Variants in PRKG1 observed in about 807,000 individuals in gnomAD.
PRKG1 encodes cGMP-dependent protein kinase 1.
A neutral mutation model predicts 88.1 loss-of-function variants in PRKG1; 35 were observed. The observed-to-expected ratio is 0.40, with a 90% CI of 0.30 to 0.53. The LOEUF (loss-of-function observed/expected upper bound fraction) is 0.53, where lower values mean the gene tolerates loss of function less well. Ranked by LOEUF, PRKG1 falls within the 20% of genes least tolerant of loss-of-function variation. The pLI is 0.59. For missense variants in PRKG1, 540 were observed against 839.8 expected (o/e 0.64, Z 4.41); for synonymous variants, 303 against 292.5 (o/e 1.04, Z -0.37).
chr10:51,297,292 C>G (rs1840745914), intron 2 of PRKG1, among the ~76,000 whole-genome samples: 1 of 151,982 alleles, frequency 6.6e-6, no homozygotes. Context: ...GGGGACATAC[C>G]ACTTCTAGAT....
chr10:51,250,057 T>C (rs1054263337), intron 2 of PRKG1, among the ~76,000 whole-genome samples: 9 of 151,830 alleles, frequency 5.9e-5, no homozygotes, highest in African/African-American at 2.2e-4. Context: ...ACTGACATCA[T>C]GAGCCTACAG....
rs369314154 is a variant in PRKG1 at position 52,268,466 on chromosome 10, A to G, written c.1174-2884A>G. Among the ~76,000 whole-genome samples, 4 of 151,942 alleles carry G rather than the reference A, an allele frequency of 2.6e-5. No homozygotes were observed. In the East Asian group the frequency reaches 5.8e-4, roughly 22 times the overall value. On this transcript the variant is annotated intron_variant, in intron 10 of 17. Coordinates refer to ENST00000373980, the MANE Select transcript of PRKG1 (RefSeq NM_006258.4). ...CCCCTAACACATGGAGGTCCCTGGG[A>G]AGTGCCTAGGAAAATGTCAGTGAGG...
At chr10:51,123,357 A>C (rs1412429010) in intron 1 of PRKG1, among the ~76,000 whole-genome samples, 1 of 152,164 alleles carries the variant, frequency 6.6e-6, no homozygotes. Flanking sequence ...AACTTCTTGC[A>C]TGCTCCGTAT....
In PRKG1 at chr10:51,556,685, A is replaced by G. The variant is rs180751678; in HGVS notation, c.592+88849A>G. Among the ~76,000 whole-genome samples, 256 of 152,156 alleles carry G rather than the reference A, an allele frequency of 1.7e-3. 1 individual carries two copies. The highest frequency in any genetic ancestry group is 5.9e-3 in the African/African-American group (246 of 41,560). On this transcript the variant is annotated intron_variant, in intron 3 of 17. Coordinates refer to ENST00000373980, the MANE Select transcript of PRKG1 (RefSeq NM_006258.4). ...AGCTAAACATCGAATACACATAGAC[A>G]TAAAGATGGCAACGATAGACACTGG...
chr10:51,736,960 C>T (rs1415549501), intron 3 of PRKG1, among the ~76,000 whole-genome samples: 1 of 152,094 alleles, frequency 6.6e-6, no homozygotes, highest in Admixed American at 6.6e-5. Context: ...ACTTTTGATA[C>T]ATTTCAAAGT....
intron 1 of PRKG1, among the ~76,000 whole-genome samples, chr10:51,125,852 AATT>A (rs1392731738): frequency 1.4e-5 from 2 of 140,838 alleles, no homozygotes; most frequent in East Asian, 2.0e-4. Context: ...TTAATTATAT[AATT>A]ATAACTATAT....
chr10:51,673,445 G>T lies in PRKG1; in HGVS notation c.593-131140G>T, dbSNP rs117679390. ...ATGGGAGCTGTTTGAAGAGCAATGA[G>T]GAAATTGGAGATAAAGTCAGAAAGA... On this transcript the variant is annotated intron_variant, in intron 3 of 17. Coordinates refer to ENST00000373980, the MANE Select transcript of PRKG1 (RefSeq NM_006258.4). Among the ~76,000 whole-genome samples, 996 of 152,234 alleles carry T rather than the reference G, an allele frequency of 6.5e-3. 6 individuals carry two copies. Among genetic ancestry groups the T allele is most frequent in the Non-Finnish European group, 0.01 (689 of 67,992 alleles).
chr10:51,793,813 G>A (rs995598332), intron 3 of PRKG1, among the ~76,000 whole-genome samples: 9 of 152,134 alleles, frequency 5.9e-5, no homozygotes, highest in African/African-American at 2.2e-4. Flanking sequence ...CCAGGCTGGA[G>A]TGCAGTGGCA....
chr10:51,639,437 A>C (rs1839739927), intron 3 of PRKG1, among the ~76,000 whole-genome samples: 1 of 9,580 alleles, frequency 1.0e-4, no homozygotes, highest in African/African-American at 1.7e-4. Flanking sequence ...ACTCCATCTC[A>C]AAAAAAAAAA....
intron 7 of PRKG1, among the ~76,000 whole-genome samples, chr10:52,129,706 A>G (rs1837204320): frequency 6.6e-6 from 1 of 152,320 alleles, no homozygotes; most frequent in East Asian, 1.9e-4. Flanking sequence ...AGGCTAGGAC[A>G]TAGCTATGGA....
In PRKG1 at chr10:51,548,466, C is replaced by A. The variant is rs145573925; in HGVS notation, c.592+80630C>A. ...TAGTAGTATTTTGGCATATCACAGA[C>A]CAGAAAAGTTGTGTGCTATCAAGGC... On this transcript the variant is annotated intron_variant, in intron 3 of 17. Transcript: ENST00000373980. Among the ~76,000 whole-genome samples the A allele has an allele frequency of 1.8e-3, 277 of 152,092 alleles. 1 individual carries two copies. Among genetic ancestry groups the A allele is most frequent in the African/African-American group, 5.8e-3 (239 of 41,508 alleles).
At chr10:51,589,267 G>A (rs1041133772) in intron 3 of PRKG1, among the ~76,000 whole-genome samples, 4 of 152,080 alleles carry the variant, frequency 2.6e-5, no homozygotes, top group African/African-American at 7.2e-5. Context: ...ATGTGTGTAA[G>A]GTTTCATAGC....
At chr10:51,555,973 A>T (rs1224874455) in intron 3 of PRKG1, among the ~76,000 whole-genome samples, 1 of 151,906 alleles carries the variant, frequency 6.6e-6, no homozygotes, top group African/African-American at 2.4e-5. Flanking sequence ...GCAGGAAGGG[A>T]GAAAAGAAAG....
chr10:51,399,988 A>C (rs1837692124), intron 2 of PRKG1, among the ~76,000 whole-genome samples: 1 of 152,102 alleles, frequency 6.6e-6, no homozygotes, highest in South Asian at 2.1e-4. Flanking sequence ...CCATTTCTCA[A>C]ATCTGGCTCT....
intron 2 of PRKG1, among the ~76,000 whole-genome samples, chr10:51,430,071 CA>C (rs1838716480): frequency 1.3e-5 from 2 of 150,762 alleles, no homozygotes; most frequent in Admixed American, 6.6e-5. Context: ...CTACATATAT[CA>C]TAAACAAATT....
intron 3 of PRKG1, among the ~76,000 whole-genome samples, chr10:51,614,710 T>G (rs1173942162): frequency 6.6e-6 from 1 of 152,058 alleles, no homozygotes; most frequent in African/African-American, 2.4e-5. Flanking sequence ...GCTTTACCAG[T>G]GCATTTCATA....
chr10:51,945,551 C>T (rs183191988), intron 5 of PRKG1, among the ~76,000 whole-genome samples: 5 of 151,660 alleles, frequency 3.3e-5, no homozygotes, highest in South Asian at 2.1e-4. Flanking sequence ...TTCCTAGCCT[C>T]GATGGTCTTT....
intron 3 of PRKG1, among the ~76,000 whole-genome samples, chr10:51,800,992 T>C (rs1317448610): frequency 6.6e-6 from 1 of 152,086 alleles, no homozygotes; most frequent in African/African-American, 2.4e-5. Flanking sequence ...GCTTAGATGA[T>C]TCTTTTCTGC....
At chr10:51,362,857 T>G (rs1588882300) in intron 2 of PRKG1, among the ~76,000 whole-genome samples, 1 of 151,868 alleles carries the variant, frequency 6.6e-6, no homozygotes, top group African/African-American at 2.4e-5. Flanking sequence ...CAACTCCCAC[T>G]TATGAGCGAG....
Sources: allele counts gnomAD v4.1 joint callset (sites outside exome capture counted in the v4.1 genomes callset), GRCh38; gene constraint gnomAD v4.1.1; transcripts MANE v1.5; gene names NCBI Gene and HGNC (gene_info 2026-07-23, HGNC 2026-07-21).